NXPE2: variants seen among roughly 807,000 people sequenced by gnomAD.
NXPE2 encodes the protein neurexophilin and PC-esterase domain family member 2.
A neutral mutation model predicts 34.4 loss-of-function variants in NXPE2; 34 were observed. The ratio of observed to expected loss-of-function variants is 0.99; its 90% CI spans 0.75 to 1.31. NXPE2 has a LOEUF of 1.31. NXPE2 is among the 40% of genes most tolerant of loss of function. The probability of loss-of-function intolerance (pLI) is 0.00; values close to 1 mark genes in which losing one functional copy is unlikely to be tolerated. For missense variants in NXPE2, 649 were observed against 672.5 expected, an observed-to-expected ratio of 0.97 and a Z score of 0.39; for synonymous variants, 235 against 231.3, an observed-to-expected ratio of 1.02 and a Z score of -0.15.
the NXPE2 span, among the ~76,000 whole-genome samples, chr11:114,524,954 G>T: frequency 6.6e-6 from 1 of 151,986 alleles, no homozygotes; most frequent in Admixed American, 6.6e-5. Flanking sequence ...GATTAACCCC[G>T]GTTTATCTAG....
At chr11:114,661,027 A>G in the NXPE2 span, among the ~76,000 whole-genome samples, 1 of 152,196 alleles carries the variant, frequency 6.6e-6, no homozygotes, top group Non-Finnish European at 1.5e-5. Flanking sequence ...CACGGAAAAC[A>G]TGAAATACTT....
At chr11:114,637,300 G>A in the NXPE2 span, among the ~76,000 whole-genome samples, 1 of 151,268 alleles carries the variant, frequency 6.6e-6, no homozygotes, top group Non-Finnish European at 1.5e-5. Flanking sequence ...GCATTTTTTT[G>A]TTTTCCATTT....
intron 3 of NXPE2, among the ~76,000 whole-genome samples, chr11:114,701,082 GA>G (rs1270799323): frequency 6.6e-6 from 1 of 152,098 alleles, no homozygotes; most frequent in Non-Finnish European, 1.5e-5. Flanking sequence ...TCAAGGTATG[GA>G]AAAATCTCTT....
the NXPE2 span, among the ~76,000 whole-genome samples, chr11:114,546,617 T>C: frequency 6.6e-6 from 1 of 152,016 alleles, no homozygotes; most frequent in Non-Finnish European, 1.5e-5. Flanking sequence ...TTCTGAGCGC[T>C]GTCTTCTGAG....
At chr11:114,582,804 A>G in the NXPE2 span, 1 of 1,613,918 alleles carries the variant, frequency 6.2e-7, no homozygotes, top group Non-Finnish European at 8.5e-7. Context: ...TCGAGGGTTG[A>G]GGATGGTGGC....
the NXPE2 span, among the ~76,000 whole-genome samples, chr11:114,735,306 T>C: frequency 1.8e-3 from 267 of 152,296 alleles, no homozygotes; most frequent in African/African-American, 6.0e-3. Flanking sequence ...TTGGGACCTT[T>C]CAAAATCCAC....
the NXPE2 span, among the ~76,000 whole-genome samples, chr11:114,515,849 TAC>T: frequency 5.4e-5 from 8 of 146,888 alleles, no homozygotes; most frequent in Non-Finnish European, 8.9e-5. Context: ...GATTTGCAGG[TAC>T]TGGTATTTCA....
chr11:114,471,308 A>G, the NXPE2 span, among the ~76,000 whole-genome samples: 1 of 150,484 alleles, frequency 6.6e-6, no homozygotes, highest in Non-Finnish European at 1.5e-5. Flanking sequence ...ATTTTTGTAT[A>G]TGGTGTGAGG....
At chr11:114,603,744 T>G in the NXPE2 span, among the ~76,000 whole-genome samples, 1 of 151,610 alleles carries the variant, frequency 6.6e-6, no homozygotes, top group Non-Finnish European at 1.5e-5. Flanking sequence ...ACCCAGTGGA[T>G]GATAAGTATT....
chr11:114,561,000 C>T, the NXPE2 span, among the ~76,000 whole-genome samples: 4 of 152,154 alleles, frequency 2.6e-5, no homozygotes, highest in Admixed American at 2.0e-4. Context: ...TATTGGAGAC[C>T]TTTCTCTCAT....
chr11:114,747,980 C>T, the NXPE2 span, among the ~76,000 whole-genome samples: 1 of 152,262 alleles, frequency 6.6e-6, no homozygotes, highest in African/African-American at 2.4e-5. Context: ...TTCTCCCCAG[C>T]CCTTGGTGGC....
the NXPE2 span, among the ~76,000 whole-genome samples, chr11:114,770,237 G>A: frequency 6.6e-6 from 1 of 152,194 alleles, no homozygotes; most frequent in African/African-American, 2.4e-5. Context: ...TCAGTCTGGT[G>A]GTTTTCTTTG....
chr11:114,631,963 C>T, the NXPE2 span, among the ~76,000 whole-genome samples: 24,452 of 149,710 alleles, frequency 0.16, 2,601 homozygotes, highest in Non-Finnish European at 0.22. Flanking sequence ...ACTACTATTA[C>T]GTACTGGATA....
the NXPE2 span, among the ~76,000 whole-genome samples, chr11:114,634,783 G>T: frequency 6.6e-6 from 1 of 151,924 alleles, no homozygotes; most frequent in African/African-American, 2.4e-5. Context: ...TAGATATGTG[G>T]CATTATTTCT....
At chr11:114,570,170 C>T in the NXPE2 span, among the ~76,000 whole-genome samples, 13 of 152,146 alleles carry the variant, frequency 8.5e-5, no homozygotes, top group South Asian at 2.1e-4. Flanking sequence ...GACCTATGTA[C>T]GGCTGAGCCA....
chr11:114,760,994 C>T, the NXPE2 span, among the ~76,000 whole-genome samples: 3 of 152,116 alleles, frequency 2.0e-5, no homozygotes, highest in Non-Finnish European at 4.4e-5. Context: ...TTTCTCATCC[C>T]CACCCATCTG....
the NXPE2 span, chr11:114,518,052 C>A: frequency 2.0e-5 from 3 of 152,482 alleles, no homozygotes; most frequent in South Asian, 2.1e-4. Flanking sequence ...CTGTAGTATG[C>A]GATGATGGGA....
the NXPE2 span, among the ~76,000 whole-genome samples, chr11:114,650,171 A>G: frequency 6.6e-6 from 1 of 152,230 alleles, no homozygotes; most frequent in African/African-American, 2.4e-5. Context: ...TCTAAAGAGG[A>G]ACAAGCCCTT....
At chr11:114,681,691 G>T (rs1161321059) in intron 2 of NXPE2, among the ~76,000 whole-genome samples, 1 of 151,866 alleles carries the variant, frequency 6.6e-6, no homozygotes, top group Non-Finnish European at 1.5e-5. Flanking sequence ...CTGATAACAG[G>T]CATTAAGTCA....
Sources: allele counts gnomAD v4.1 joint callset (sites outside exome capture counted in the v4.1 genomes callset), GRCh38; gene constraint gnomAD v4.1.1; transcripts MANE v1.5; gene names NCBI Gene and HGNC (gene_info 2026-07-23, HGNC 2026-07-21).